Variants in C2CD3 observed in about 807,000 individuals in gnomAD.
The protein encoded by C2CD3 is C2 domain-containing protein 3.
A neutral mutation model predicts 234.0 loss-of-function variants in C2CD3; 148 were observed. The observed-to-expected ratio is 0.63, with a 90% CI of 0.55 to 0.72. C2CD3 has a LOEUF of 0.72. C2CD3 is among the 30% of genes least tolerant of loss of function. The pLI, the probability that C2CD3 is intolerant of heterozygous loss-of-function variation, is 0.00. For synonymous variants in C2CD3, 1,000 were observed against 1,035.4 expected (o/e 0.97, Z 0.66); for missense variants, 2,577 against 2,811.5 (o/e 0.92, Z 1.89).
rs1469923207 is a variant in C2CD3, at chr11:74,161,382, T to C, written c.483+17A>G. ...AAAGTTTATTTTATGCAGCAAATAA[T>C]TAAAATATATTTTTACCTGGAGTTC... is the stretch of plus-strand genomic sequence containing the variant. On this transcript the variant is annotated intron_variant, in intron 3 of 32. Transcript: ENST00000334126. The C allele has an allele frequency of 2.6e-6, 4 of 1,510,866 alleles. No homozygotes were observed. In the East Asian group the frequency reaches 9.2e-5, roughly 35 times the overall value. 93.6% of individuals were successfully genotyped at this position (1,510,866 alleles called of 1,614,324 possible).
In C2CD3 at chr11:74,042,306, A is replaced by G. The variant is rs139711774; in HGVS notation, c.5496-88T>C. 1.1e-4 allele frequency: 147 copies of G among 1,330,942 alleles called. No homozygotes were observed. In the African/African-American group the frequency reaches 1.3e-3, roughly 11 times the overall value. 82.4% of individuals were successfully genotyped at this position (1,330,942 alleles called of 1,614,324 possible). A position where few individuals can be genotyped will look rare whatever the true frequency, so the allele number is the denominator to read the frequency against. On this transcript the variant is annotated intron_variant, in intron 28 of 32. Coordinates refer to ENST00000334126, the MANE Select transcript of C2CD3 (RefSeq NM_001286577.2). Reference sequence around the variant, plus strand: ...CTAGTGTGACAATAAACAAATCACTATCCTGAAATGGAATGCAAATCTATC... The same window carrying G: ...CTAGTGTGACAATAAACAAATCACTGTCCTGAAATGGAATGCAAATCTATC...
intron 6 of C2CD3, among the ~76,000 whole-genome samples, 171 bp from the exon 7 acceptor site, chr11:74,133,143 C>T (rs1957735824): frequency 6.6e-6 from 1 of 152,182 alleles, no homozygotes; most frequent in South Asian, 2.1e-4. Flanking sequence ...ACAGTAGAAT[C>T]CCATCTCATT....
At chr11:74,084,407 A>G (rs1371258061) in intron 22 of C2CD3, among the ~76,000 whole-genome samples, 1 of 150,654 alleles carries the variant, frequency 6.6e-6, no homozygotes, top group South Asian at 2.1e-4. Context: ...TGTTGTGCAC[A>G]TGTACCCTAG....
rs551238387 is a variant in C2CD3, at chr11:74,087,747, C to T, written c.3642-1861G>A. Among the ~76,000 whole-genome samples, 26 of 152,246 alleles carry T rather than the reference C, an allele frequency of 1.7e-4. No individual in the cohort carries two copies. The South Asian group carries it at 4.6e-3, about 27-fold the overall frequency. On this transcript the variant is annotated intron_variant, in intron 20 of 32. Transcript: ENST00000334126. ...GCTGGTTTGAATTCACTCATTCAGT[C>T]GTTATTTGCTGGGTATCTGCTCTGT...
chr11:74,136,798 C>T (rs1046893663), intron 5 of C2CD3, among the ~76,000 whole-genome samples: 1 of 151,868 alleles, frequency 6.6e-6, no homozygotes, highest in African/African-American at 2.4e-5. Flanking sequence ...CGGGACCTGT[C>T]GGGGGTAGGG....
chr11:74,026,691 C>T lies in C2CD3; in HGVS notation c.6921+1596G>A, dbSNP rs528938443. Among the ~76,000 whole-genome samples the T allele has an allele frequency of 9.9e-5, 15 of 152,204 alleles. No individual in the cohort carries two copies. The East Asian group carries it at 2.5e-3, about 26-fold the overall frequency. Reference sequence around the variant, plus strand: ...GTGAGTCAGAAGTTTAGATTCAGGCCGGGCGCAGTGGCTCACGCCTGTAAT... The same window carrying T: ...GTGAGTCAGAAGTTTAGATTCAGGCTGGGCGCAGTGGCTCACGCCTGTAAT... On this transcript the variant is annotated intron_variant, in intron 32 of 32. Coordinates refer to ENST00000334126, the MANE Select transcript of C2CD3 (RefSeq NM_001286577.2).
chr11:74,041,972 A>G, intron 29 of C2CD3, 82 bp downstream of exon 29: 1 of 1,408,802 alleles, frequency 7.1e-7, no homozygotes, highest in Non-Finnish European at 9.9e-7. Context: ...AGGTGATGGA[A>G]AAGCAGTAAT....
chr11:74,140,447 A>C (rs1462987833), intron 3 of C2CD3, among the ~76,000 whole-genome samples: 1 of 152,220 alleles, frequency 6.6e-6, no homozygotes, highest in Non-Finnish European at 1.5e-5. Context: ...CCATTTACTG[A>C]ACCTTTTACT....
At chr11:74,060,493 C>T (rs189147566) in intron 24 of C2CD3, among the ~76,000 whole-genome samples, 250 of 152,320 alleles carry the variant, frequency 1.6e-3, no homozygotes, top group African/African-American at 5.5e-3. Context: ...GCTGGTGATA[C>T]CCAGGCAAAC....
Position 74,127,315 on chromosome 11 carries a change from A to G in C2CD3, c.1218-4180T>C, listed in dbSNP as rs370223158. Among the ~76,000 whole-genome samples the G allele has an allele frequency of 6.8e-4, 104 of 152,296 alleles. 2 individuals carry two copies. Among genetic ancestry groups the G allele is most frequent in the African/African-American group, 2.0e-3 (82 of 41,578 alleles). ...ACTGCGCCCGGCCTGGCTTCTTTCA[A>G]TTAGCATGTTTTTAAGGTTCATCCA... On this transcript the variant is annotated intron_variant, in intron 7 of 32. Coordinates refer to ENST00000334126, the MANE Select transcript of C2CD3 (RefSeq NM_001286577.2).
intron 24 of C2CD3, among the ~76,000 whole-genome samples, chr11:74,060,520 C>T (rs1043698984): frequency 4.6e-5 from 7 of 152,190 alleles, no homozygotes; most frequent in African/African-American, 1.4e-4. Context: ...TGGAGTGGAC[C>T]TCCAGCAAAT....
chr11:74,064,111 T>C lies in C2CD3; in HGVS notation c.4952-6567A>G, dbSNP rs531631532. On this transcript the variant is annotated intron_variant, in intron 24 of 32. Transcript: ENST00000334126. ...CCCTTCCTGTGTCCATGTGTTCTCA[T>C]TGTTCAATTCCCACCTATAAGTGAG... is the stretch of plus-strand genomic sequence containing the variant. Among the ~76,000 whole-genome samples, 9 of 151,152 alleles carry C rather than the reference T, an allele frequency of 6.0e-5. No homozygotes were observed. In the South Asian group the frequency reaches 8.5e-4, roughly 14 times the overall value.
chr11:74,111,528 A>G (rs144790924), intron 11 of C2CD3, among the ~76,000 whole-genome samples: 336 of 152,334 alleles, frequency 2.2e-3, no homozygotes, highest in Non-Finnish European at 3.7e-3. Context: ...TCCTATCCCC[A>G]AGATATCTTA....
At chr11:74,021,035 T>G (rs985592050) in intron 32 of C2CD3, among the ~76,000 whole-genome samples, 1 of 152,210 alleles carries the variant, frequency 6.6e-6, no homozygotes, top group African/African-American at 2.4e-5. Context: ...CACATTTCTG[T>G]ATATTTTAAA....
Position 74,149,431 on chromosome 11 carries a change from G to A in C2CD3, c.484-9603C>T, listed in dbSNP as rs148791359. On this transcript the variant is annotated intron_variant, in intron 3 of 32. Transcript: ENST00000334126. ...GCCCAGGCTGAACGTGAACTCCTGG[G>A]CTCAAGTGATTCTACTGCCTCAGCT... 4.3e-3 allele frequency among the ~76,000 whole-genome samples: 654 copies of A among 152,156 alleles called. 3 individuals are homozygous for A. Among genetic ancestry groups the A allele is most frequent in the African/African-American group, 0.015 (630 of 41,502 alleles).
chr11:74,116,172 G>A (rs1199456856), intron 9 of C2CD3, among the ~76,000 whole-genome samples: 1 of 152,020 alleles, frequency 6.6e-6, no homozygotes, highest in Non-Finnish European at 1.5e-5. Flanking sequence ...GAAACAGTCG[G>A]CAGAGTAAAC....
At chr11:74,050,789 C>T (rs972920582) in intron 26 of C2CD3, among the ~76,000 whole-genome samples, 5 of 151,444 alleles carry the variant, frequency 3.3e-5, no homozygotes, top group African/African-American at 1.2e-4. Flanking sequence ...TCCCTACACT[C>T]TCCATACCTG....
At chr11:74,119,985 T>C (rs1040716528) in intron 8 of C2CD3, among the ~76,000 whole-genome samples, 1 of 152,152 alleles carries the variant, frequency 6.6e-6, no homozygotes, top group Non-Finnish European at 1.5e-5. Context: ...CTTTAAGTTA[T>C]CCTTTGAGTG....
intron 26 of C2CD3, among the ~76,000 whole-genome samples, chr11:74,049,800 A>G (rs1159103090): frequency 6.6e-6 from 1 of 152,134 alleles, no homozygotes; most frequent in Non-Finnish European, 1.5e-5. Context: ...ATTTTGAAAG[A>G]GATGGGGTCT....
Sources: allele counts gnomAD v4.1 joint callset (sites outside exome capture counted in the v4.1 genomes callset), GRCh38; gene constraint gnomAD v4.1.1; transcripts MANE v1.5; gene names NCBI Gene and HGNC (gene_info 2026-07-23, HGNC 2026-07-21).